PRELID2: variants seen among roughly 807,000 people sequenced by gnomAD.
PRELID2 encodes the protein PRELI domain containing 2.
A neutral mutation model predicts 28.4 loss-of-function variants in PRELID2; 25 were observed. The observed-to-expected ratio is 0.88, with a 90% CI of 0.64 to 1.23. The LOEUF (loss-of-function observed/expected upper bound fraction) is 1.23, where lower values mean the gene tolerates loss of function less well. Among genes scored for constraint, PRELID2 ranks in the 50% most tolerant of loss-of-function variants. The pLI, the probability that PRELID2 is intolerant of heterozygous loss-of-function variation, is 0.00. For synonymous variants in PRELID2, 76 were observed against 71.6 expected, an observed-to-expected ratio of 1.06 and a Z score of -0.31; for missense variants, 201 against 214.4, an observed-to-expected ratio of 0.94 and a Z score of 0.39.
At chr5:145,373,881 TATG>T in the PRELID2 span, among the ~76,000 whole-genome samples, 88 of 54,642 alleles carry the variant, frequency 1.6e-3, 17 homozygotes, top group East Asian at 0.026. Context: ...ATATAATATA[TATG>T]ATATTATATA....
intron 1 of PRELID2, among the ~76,000 whole-genome samples, chr5:145,553,190 C>G (rs1388427426): frequency 7.1e-6 from 1 of 141,580 alleles, no homozygotes; most frequent in East Asian, 2.1e-4. Flanking sequence ...GGACCCCCCC[C>G]CCCAAAAAAA....
chr5:145,293,615 G>A, the PRELID2 span, among the ~76,000 whole-genome samples: 2 of 152,098 alleles, frequency 1.3e-5, no homozygotes, highest in Non-Finnish European at 2.9e-5. Context: ...TGATAAAAGG[G>A]GTTGAATATG....
At chr5:145,383,710 G>T in the PRELID2 span, among the ~76,000 whole-genome samples, 190 of 150,704 alleles carry the variant, frequency 1.3e-3, no homozygotes, top group Middle Eastern at 0.014. Context: ...AAAGTTAAGT[G>T]TAAAAATCTT....
chr5:145,274,492 A>G, the PRELID2 span, among the ~76,000 whole-genome samples: 2 of 152,196 alleles, frequency 1.3e-5, no homozygotes, highest in East Asian at 1.9e-4. Flanking sequence ...CAGCTTCCAC[A>G]CCAAATATTC....
At chr5:145,832,770 ACAC>A (rs1755685397) in intron 1 of PRELID2, among the ~76,000 whole-genome samples, 2 of 151,782 alleles carry the variant, frequency 1.3e-5, no homozygotes, top group South Asian at 4.2e-4. Context: ...GCACATACAC[ACAC>A]CACACCACAC....
the PRELID2 span, among the ~76,000 whole-genome samples, chr5:145,263,256 AC>A: frequency 6.6e-6 from 1 of 152,156 alleles, no homozygotes; most frequent in Non-Finnish European, 1.5e-5. Flanking sequence ...TAAACACTCC[AC>A]CAACAGAACC....
At chr5:145,423,271 G>A in the PRELID2 span, among the ~76,000 whole-genome samples, 86 of 148,400 alleles carry the variant, frequency 5.8e-4, no homozygotes, top group South Asian at 1.5e-3. Flanking sequence ...TCCTGAATCT[G>A]AACGTTGGCC....
intron 1 of PRELID2, among the ~76,000 whole-genome samples, chr5:145,592,707 G>C (rs1431321755): frequency 6.6e-6 from 1 of 152,102 alleles, no homozygotes; most frequent in African/African-American, 2.4e-5. Context: ...ATTCAAGCTA[G>C]ACTTAATTAC....
At chr5:145,561,046 T>C (rs1752921554) in intron 1 of PRELID2, among the ~76,000 whole-genome samples, 1 of 151,780 alleles carries the variant, frequency 6.6e-6, no homozygotes, top group Non-Finnish European at 1.5e-5. Context: ...TTGAAGACAC[T>C]AGGCCCTGGG....
At chr5:145,674,175 T>C (rs561099550) in intron 1 of PRELID2, among the ~76,000 whole-genome samples, 1 of 152,204 alleles carries the variant, frequency 6.6e-6, no homozygotes, top group South Asian at 2.1e-4. Flanking sequence ...TATTTTTTTA[T>C]TATACTTTAA....
chr5:145,531,074 A>G (rs923601986), intron 1 of PRELID2, among the ~76,000 whole-genome samples: 1 of 152,152 alleles, frequency 6.6e-6, no homozygotes, highest in Non-Finnish European at 1.5e-5. Flanking sequence ...GTTGTTTGAA[A>G]GTCTATATAT....
At chr5:145,820,936 G>T (rs957085200) in intron 2 of PRELID2, among the ~76,000 whole-genome samples, 1 of 152,072 alleles carries the variant, frequency 6.6e-6, no homozygotes, top group Non-Finnish European at 1.5e-5. Context: ...CTGACCTTTC[G>T]ACTTGGGGTT....
chr5:145,535,812 T>G lies in PRELID2; in HGVS notation n.71-62497A>C, dbSNP rs1752693362. Reference sequence around the variant, plus strand: ...TTATTCTAGAACAATAGTTTATTTCTCTTTTTCACTTCTTCCTTTAGTTCT... The same window carrying G: ...TTATTCTAGAACAATAGTTTATTTCGCTTTTTCACTTCTTCCTTTAGTTCT... On this transcript the variant is annotated intron_variant and non_coding_transcript_variant, in intron 1 of 2. Transcript: ENST00000510259. 2.0e-5 allele frequency among the ~76,000 whole-genome samples: 3 copies of G among 151,962 alleles called. No individual in the cohort carries two copies. The South Asian group carries it at 6.2e-4, about 31-fold the overall frequency.
rs144869287 is a variant in PRELID2, at chr5:145,642,664, C to G, written n.70+122267G>C. On this transcript the variant is annotated intron_variant and non_coding_transcript_variant, in intron 1 of 2. Transcript: ENST00000510259. Reference sequence around the variant, plus strand: ...ATGGTTTTAGGTCTTACATTTAAGTCTTTAATCCATCTTGAGTTGATTTTT... The same window carrying G: ...ATGGTTTTAGGTCTTACATTTAAGTGTTTAATCCATCTTGAGTTGATTTTT... Among the ~76,000 whole-genome samples, 1,501 of 152,296 alleles carry G rather than the reference C, an allele frequency of 9.9e-3. 26 individuals carry two copies. The highest frequency in any genetic ancestry group is 0.033 in the African/African-American group (1,384 of 41,544).
rs565220848 is a variant in PRELID2 at position 145,739,805 on chromosome 5, T to C, written n.70+25126A>G. On this transcript the variant is annotated intron_variant and non_coding_transcript_variant, in intron 1 of 2. Coordinates refer to the PRELID2 transcript ENST00000510259. ...AAAGTTATGTATATATAATGTAATATATAGAGCAACCACCTAATTTTTTTA... is the reference window on the plus strand; with the variant it reads ...AAAGTTATGTATATATAATGTAATACATAGAGCAACCACCTAATTTTTTTA... Among the ~76,000 whole-genome samples the C allele has an allele frequency of 4.6e-4, 70 of 152,058 alleles. No individual in the cohort carries two copies. The South Asian group carries it at 0.011, about 23-fold the overall frequency.
the PRELID2 span, among the ~76,000 whole-genome samples, chr5:145,366,870 C>T: frequency 6.6e-6 from 1 of 151,806 alleles, no homozygotes; most frequent in Non-Finnish European, 1.5e-5. Context: ...GACACTCCTG[C>T]CATTGTTTGC....
chr5:145,742,704 G>T (rs1009586671), intron 1 of PRELID2, among the ~76,000 whole-genome samples: 1 of 150,092 alleles, frequency 6.7e-6, no homozygotes, highest in African/African-American at 2.5e-5. Flanking sequence ...AAAAAGAAGA[G>T]AAAATTAAGC....
intron 1 of PRELID2, among the ~76,000 whole-genome samples, chr5:145,661,500 G>A (rs1028619002): frequency 2.0e-5 from 3 of 151,902 alleles, no homozygotes; most frequent in African/African-American, 4.8e-5. Flanking sequence ...TAGGGATGCT[G>A]GCTGAGATCC....
chr5:145,345,724 T>C, the PRELID2 span, among the ~76,000 whole-genome samples: 1 of 152,120 alleles, frequency 6.6e-6, no homozygotes, highest in Admixed American at 6.6e-5. Context: ...AAATAATTGC[T>C]GAATGCTGGG....
Sources: allele counts gnomAD v4.1 joint callset (sites outside exome capture counted in the v4.1 genomes callset), GRCh38; gene constraint gnomAD v4.1.1; transcripts MANE v1.5; gene names NCBI Gene and HGNC (gene_info 2026-07-23, HGNC 2026-07-21).